PKD1: variants seen among roughly 807,000 people sequenced by gnomAD.
PKD1 encodes the protein polycystin-1.
In PKD1, 81 loss-of-function variants were observed where a neutral mutation model predicts 361.7. The observed-to-expected ratio is 0.22, with a 90% CI of 0.19 to 0.27. The LOEUF is 0.27. Among genes scored for constraint, PKD1 ranks in the 10% least tolerant of loss-of-function variants. The pLI is 1.00. For missense variants in PKD1, 6,399 were observed against 6,118.3 expected (o/e 1.05, Z -1.53); for synonymous variants, 3,615 against 2,818.3 (o/e 1.28, Z -8.95).
At chr16:2,133,982 G>C (rs917534075) in intron 1 of PKD1, among the ~76,000 whole-genome samples, 1 of 149,606 alleles carries the variant, frequency 6.7e-6, no homozygotes, top group Non-Finnish European at 1.5e-5. Flanking sequence ...CTGAGGGGCT[G>C]CTCTCATGGA....
In PKD1 at chr16:2,098,973, G is replaced by A. The variant is rs2091971318; in HGVS notation, c.10050+671C>T. 7.9e-5 allele frequency: 13 copies of A among 164,476 alleles called. No individual in the cohort carries two copies. The South Asian group carries it at 1.9e-3, about 24-fold the overall frequency. 10.2% of individuals were successfully genotyped at this position (164,476 alleles called of 1,614,324 possible). On this transcript the variant is annotated intron_variant, in intron 30 of 45. Coordinates refer to ENST00000262304, the MANE Select transcript of PKD1 (RefSeq NM_001009944.3). ...AGCCTCTCGAGTAGCTGGGACTACA[G>A]GCGCCCGCCACCATGCCCAGCTAAG...
At chr16:2,131,752 G>C (rs1596626860) in intron 1 of PKD1, 1 of 151,632 alleles carries the variant, frequency 6.6e-6, no homozygotes, top group African/African-American at 2.4e-5. Flanking sequence ...GAACCCGGGA[G>C]ATGGAGGCTG....
At chr16:2,107,317 G>C in intron 16 of PKD1, 2 of 384,616 alleles carry the variant, frequency 5.2e-6, no homozygotes, top group South Asian at 2.2e-5. Context: ...GCAGCCCTTA[G>C]CCAGGGCCTG....
rs951885278 is a variant in PKD1, at chr16:2,095,979, T to G, written c.10499+1169A>C. Among the ~76,000 whole-genome samples, 3 of 152,246 alleles carry G rather than the reference T, an allele frequency of 2.0e-5. No homozygotes were observed. The East Asian group carries it at 5.8e-4, about 29-fold the overall frequency. ...CCTCATGTGATGGTTATCTGCCTTT[T>G]GTAAATCAGGAAGTTTTCCTTTTTG... On this transcript the variant is annotated intron_variant, in intron 34 of 45. Coordinates refer to ENST00000262304, the MANE Select transcript of PKD1 (RefSeq NM_001009944.3).
chr16:2,107,523 C>T (rs894506398), intron 16 of PKD1: 36 of 403,624 alleles, frequency 8.9e-5, no homozygotes, highest in Admixed American at 3.3e-4. Context: ...GCCTCCTGGC[C>T]GGTCCAGAGA....
rs1226626087 is a variant in PKD1, at chr16:2,111,246, C to T, written c.3921G>A (p.Thr1307=). ...AGGCCGTGAGCCGCGCGTCAGGCTG[C>T]GTGGGGATGCAGGCGGCGGGTTCAA... ...LRVEPAACIP[T]QPDARLTAYV... Residue 1307 remains threonine (T), a synonymous_variant, in exon 15 of 46, where the codon ACG becomes ACA. Transcript: ENST00000262304. 9 of 1,610,544 alleles carry T rather than the reference C, an allele frequency of 5.6e-6. No homozygotes were observed. Among genetic ancestry groups the T allele is most frequent in the African/African-American group, 1.3e-5 (1 of 75,010 alleles).
chr16:2,118,930 C>T lies in PKD1; in HGVS notation c.360-85G>A. On this transcript the variant is annotated intron_variant, in intron 3 of 45. Transcript: ENST00000262304. The surrounding 1 kb of genome is among the most constrained non-coding windows in gnomAD (Gnocchi z 6.0). ...CCCACTGGCAACCAGGCCCTGGAGC[C>T]ACCCTGACAGCACCGCCTCCCCTGC... 1.5e-6 allele frequency: 1 copy of T among 686,540 alleles called. No individual in the cohort carries two copies. Among genetic ancestry groups the T allele is most frequent in the Non-Finnish European group, 2.5e-6 (1 of 401,676 alleles). 42.5% of individuals were successfully genotyped at this position (686,540 alleles called of 1,614,324 possible). A position where few individuals can be genotyped will look rare whatever the true frequency, so the allele number is the denominator to read the frequency against.
In PKD1 at chr16:2,117,547, C is replaced by A. The variant is rs3893752; in HGVS notation, c.1327G>T (p.Ala443Ser). ...QEQCQAWAGA[A>S]LAMVDSPAVQ... ...GCGGGACTGTCCACCATTGCCAGGG[C>A]GGCCCCGGCCCAGGCCTGACACTGC... Residue 443 changes from alanine to serine, a missense_variant, in exon 6 of 46, where the codon GCC becomes TCC. Physicochemically the swap from Ala to Ser is moderately conservative, Grantham distance 99 (BLOSUM62 1). Coordinates refer to ENST00000262304, the MANE Select transcript of PKD1 (RefSeq NM_001009944.3). 1.3e-6 allele frequency: 2 copies of A among 1,599,124 alleles called. No homozygotes were observed.
At position 2,115,441 on chromosome 16, in the gene PKD1, G is replaced by A. The variant is rs1567212671; in HGVS notation, c.2034C>T (p.Ala678=). 7 of 1,596,146 alleles carry A rather than the reference G, an allele frequency of 4.4e-6. No homozygotes were observed. The East Asian group carries it at 6.8e-5, about 16-fold the overall frequency. The change falls in exon 10 of 46, where the codon GCC becomes GCT. Residue 678 remains alanine, a synonymous_variant. Coordinates refer to ENST00000262304, the MANE Select transcript of PKD1 (RefSeq NM_001009944.3). The stretch of plus-strand genomic sequence containing the variant: ...GGAACTCTCTCCATAGCGCATAGGG[G>A]GCCCCGGGTAGCCCTGGCCCTGACG... ...GCTSGPGLPG[A]PYALWREFLF...
chr16:2,103,751 A>G lies in PKD1; in HGVS notation c.8306T>C (p.Leu2769Pro). 1 of 1,609,776 alleles carries G rather than the reference A, an allele frequency of 6.2e-7. No homozygotes were observed. The highest frequency in any genetic ancestry group is 8.5e-7 in the Non-Finnish European group (1 of 1,179,562). ...CGCCAGCGTCAGGGGCTCCTCGTTGAGCACGCGGGAGCGCATGAGGATGCG... is the reference window on the plus strand; with the variant it reads ...CGCCAGCGTCAGGGGCTCCTCGTTGGGCACGCGGGAGCGCATGAGGATGCG... ...LMRILMRSRV[L>P]NEEPLTLAGE... Residue 2769 changes from leucine to proline, a missense_variant, in exon 23 of 46, where the codon CTC (leucine) becomes CCC (proline). Physicochemically the swap from Leu to Pro is moderately conservative, Grantham distance 98. Transcript: ENST00000262304.
intron 1 of PKD1, among the ~76,000 whole-genome samples, chr16:2,121,136 C>T (rs1051555227): frequency 6.6e-6 from 1 of 152,006 alleles, no homozygotes; most frequent in African/African-American, 2.4e-5. Context: ...GAGGCTGAGG[C>T]GGGCGCATCA....
intron 16 of PKD1, 130 bp from the exon 17 acceptor site, chr16:2,107,078 T>A: frequency 1.2e-6 from 1 of 813,344 alleles, no homozygotes; most frequent in Non-Finnish European, 2.0e-6. Context: ...GTGAGCTCAC[T>A]CCCTCCCAGG....
At chr16:2,103,955 CA>C in intron 22 of PKD1, 60 bp from the exon 23 acceptor site, 5 of 174,450 alleles carry the variant, frequency 2.9e-5, no homozygotes, top group Admixed American at 1.1e-4. Context: ...TGGGGGCAGG[CA>C]AAAAGGGGGA....
intron 16 of PKD1, chr16:2,107,493 C>A: frequency 2.6e-6 from 1 of 379,096 alleles, no homozygotes; most frequent in Admixed American, 3.9e-5. Context: ...GAGCAGCCAC[C>A]ACGGGCTCAG....
At chr16:2,102,771 T>A (rs1392548528) in intron 24 of PKD1, 43 bp downstream of exon 24, 1 of 1,608,974 alleles carries the variant, frequency 6.2e-7, no homozygotes, top group Admixed American at 1.7e-5. Flanking sequence ...TGCTGACCCA[T>A]GATGCCCTGC....
At chr16:2,121,300 G>C (rs1259150080) in intron 1 of PKD1, among the ~76,000 whole-genome samples, 1 of 151,914 alleles carries the variant, frequency 6.6e-6, no homozygotes, top group Non-Finnish European at 1.5e-5. Context: ...GCGAGGCAGA[G>C]GTTGCAGTGA....
chr16:2,100,596 T>C lies in PKD1; in HGVS notation c.9398-30A>G, dbSNP rs767397354. The C allele has an allele frequency of 6.3e-7, 1 of 1,594,022 alleles. No homozygotes were observed. The highest frequency in any genetic ancestry group is 2.2e-5 in the East Asian group (1 of 44,770). On this transcript the variant is annotated intron_variant, in intron 26 of 45. Transcript: ENST00000262304. This position sits in a 1 kb window ranked among gnomAD's most constrained non-coding sequence, Gnocchi z 4.4. ...GAGGCAAGAGGGAGGGGTGGGAGGC[T>C]CGGTCTGCTGCCCAACACGTGTGGC...
In PKD1 at chr16:2,100,266, G is replaced by A; in HGVS notation, c.9612C>T (p.Asp3204=). The A allele has an allele frequency of 5.6e-6, 9 of 1,610,786 alleles. No homozygotes were observed. Among genetic ancestry groups the A allele is most frequent in the Non-Finnish European group, 7.6e-6 (9 of 1,179,764 alleles). Reference sequence around the variant, plus strand: ...AGAAGGCGCTGCGTGCCGTCTGCAGGTCCCTGACGATGACGTGCTGCAGGA... The same window carrying A: ...AGAAGGCGCTGCGTGCCGTCTGCAGATCCCTGACGATGACGTGCTGCAGGA... ...AWFLQHVIVR[D]LQTARSAFFL... is the part of the protein sequence containing the mutation. The change falls in exon 28 of 46, where the codon GAC becomes GAT. Residue 3204 remains aspartate, a synonymous_variant. Coordinates refer to ENST00000262304, the MANE Select transcript of PKD1 (RefSeq NM_001009944.3). This position sits in a 1 kb window ranked among gnomAD's most constrained non-coding sequence, Gnocchi z 4.4.
chr16:2,129,741 G>A (rs1369569662), intron 1 of PKD1, among the ~76,000 whole-genome samples: 1 of 149,120 alleles, frequency 6.7e-6, no homozygotes, highest in African/African-American at 2.5e-5. Flanking sequence ...TTAGAGACCG[G>A]GGTCTCACCC....
Sources: gnomAD v4.1 joint callset for allele counts (sites outside exome capture counted in the v4.1 genomes callset) on GRCh38, gnomAD v4.1.1 for gene constraint, Gnocchi (gnomAD v3.1) non-coding constraint, MANE v1.5 for transcripts, NCBI Gene and HGNC (gene_info 2026-07-23, HGNC 2026-07-21) for gene names.